The following INA variants were observed in gnomAD, a reference collection of about 807,000 sequenced individuals.
INA encodes internexin neuronal intermediate filament protein alpha.
INA carries 35 observed loss-of-function variants against 40.1 expected under a neutral mutation model. The observed-to-expected ratio is 0.87, with a 90% CI of 0.67 to 1.16. The LOEUF (loss-of-function observed/expected upper bound fraction) is 1.16, where lower values mean the gene tolerates loss of function less well. Among genes scored for constraint, INA ranks in the 50% most tolerant of loss-of-function variants. The pLI, the probability that INA is intolerant of heterozygous loss-of-function variation, is 0.00. For missense variants in INA, 594 were observed against 686.7 expected (o/e 0.87, Z 1.51); for synonymous variants, 290 against 316.9 (o/e 0.92, Z 0.90).
chr10:103,279,502 G>T (rs1287140457), intron 1 of INA, among the ~76,000 whole-genome samples: 4 of 152,188 alleles, frequency 2.6e-5, no homozygotes, highest in African/African-American at 9.6e-5. Context: ...TAAATGGAAG[G>T]TGTAGAAAAG....
rs755648403 is a variant in INA, at chr10:103,289,910, C to A, written c.*1241C>A. 1 of 152,800 alleles carries A rather than the reference C, an allele frequency of 6.5e-6. No homozygotes were observed. Among genetic ancestry groups the A allele is most frequent in the African/African-American group, 2.4e-5 (1 of 41,582 alleles). 9.5% of individuals were successfully genotyped at this position (152,800 alleles called of 1,614,324 possible). On this transcript the variant is annotated 3_prime_UTR_variant, in exon 3 of 3. Coordinates refer to ENST00000369849, the MANE Select transcript of INA (RefSeq NM_032727.4). Reference sequence around the variant, plus strand: ...TTCTAAAAGACTTCCCTAACACTTACCCCATGGCTGCACAGTTGGTGGGGT... The same window carrying A: ...TTCTAAAAGACTTCCCTAACACTTAACCCATGGCTGCACAGTTGGTGGGGT...
intron 1 of INA, chr10:103,280,347 T>C (rs1361449221): frequency 1.0e-6 from 1 of 985,304 alleles, no homozygotes; most frequent in African/African-American, 1.7e-5. Context: ...GCTCAAGTCT[T>C]ACCTGCAGAT....
intron 1 of INA, among the ~76,000 whole-genome samples, chr10:103,279,013 T>C (rs2093067355): frequency 6.6e-6 from 1 of 152,058 alleles, no homozygotes; most frequent in Admixed American, 6.6e-5. Flanking sequence ...GTCGGGGCGC[T>C]GTCCACGGTG....
intron 1 of INA, 25 bp from the exon 2 acceptor site, chr10:103,287,010 C>A: frequency 6.2e-7 from 1 of 1,609,964 alleles, no homozygotes; most frequent in Non-Finnish European, 8.5e-7. Flanking sequence ...TTTGGCCTAA[C>A]TATTTTGGAT....
Position 103,277,198 on chromosome 10 carries a change from C to G in INA, c.-14C>G, listed in dbSNP as rs761309952. The G allele has an allele frequency of 1.3e-6, 2 of 1,569,026 alleles. No homozygotes were observed. Among genetic ancestry groups the G allele is most frequent in the East Asian group, 2.5e-5 (1 of 39,322 alleles). On this transcript the variant is annotated 5_prime_UTR_variant, in exon 1 of 3. Transcript: ENST00000369849. The surrounding 1 kb of genome is among the most constrained non-coding windows in gnomAD (Gnocchi z 5.6). ...TCGCGTTGAAGCCGCACGTCCGGCC[C>G]CGATCCCGGCACCATGAGCTTCGGC...
At chr10:103,286,335 C>CAAAA (rs71019675) in intron 1 of INA, among the ~76,000 whole-genome samples, 17 of 51,660 alleles carry the variant, frequency 3.3e-4, no homozygotes, top group East Asian at 1.3e-3. Context: ...GACCTTGTCT[C>CAAAA]AAAAAAAAAA....
chr10:103,286,156 C>T (rs1241110039), intron 1 of INA, among the ~76,000 whole-genome samples: 2 of 151,778 alleles, frequency 1.3e-5, no homozygotes, highest in African/African-American at 4.8e-5. Flanking sequence ...AATGAGACCT[C>T]ATCTTTACAA....
In INA at chr10:103,287,072, C is replaced by A. The variant is rs372116237; in HGVS notation, c.1103C>A (p.Thr368Asn). 1 of 1,613,812 alleles carries A rather than the reference C, an allele frequency of 6.2e-7. No homozygotes were observed. Among genetic ancestry groups the A allele is most frequent in the Non-Finnish European group, 8.5e-7 (1 of 1,179,926 alleles). ...CAGCTGGAGAATGATCTGAGGAACA[C>A]CAAGAGTGAGATGGCACGCCACCTT... ...IGQLENDLRN[T>N]KSEMARHLRE... The change falls in exon 2 of 3, where the codon ACC becomes AAC. Residue 368 changes from threonine to asparagine, a missense_variant. Coordinates refer to ENST00000369849, the MANE Select transcript of INA (RefSeq NM_032727.4).
At position 103,289,912 on chromosome 10, in the gene INA, C is replaced by A. The variant is rs927568614; in HGVS notation, c.*1243C>A. 6.5e-6 allele frequency: 1 copy of A among 152,678 alleles called. No homozygotes were observed. Among genetic ancestry groups the A allele is most frequent in the African/African-American group, 2.4e-5 (1 of 41,456 alleles). 9.5% of individuals were successfully genotyped at this position (152,678 alleles called of 1,614,324 possible). ...CTAAAAGACTTCCCTAACACTTACC[C>A]CATGGCTGCACAGTTGGTGGGGTCC... On this transcript the variant is annotated 3_prime_UTR_variant, in exon 3 of 3. Coordinates refer to ENST00000369849, the MANE Select transcript of INA (RefSeq NM_032727.4).
intron 2 of INA, among the ~76,000 whole-genome samples, chr10:103,287,752 A>G (rs968525960): frequency 2.7e-5 from 4 of 150,644 alleles, no homozygotes; most frequent in East Asian, 1.9e-4. Context: ...AAAAAAAAAA[A>G]GGATAATTAA....
chr10:103,286,054 A>G (rs2093085237), intron 1 of INA, among the ~76,000 whole-genome samples: 1 of 152,086 alleles, frequency 6.6e-6, no homozygotes, highest in African/African-American at 2.4e-5. Flanking sequence ...CAGGCTGGGC[A>G]TGGTGGCTCA....
At position 103,290,276 on chromosome 10, in the gene INA, G is replaced by C. The variant is rs373328925; in HGVS notation, c.*1607G>C. 6.6e-6 allele frequency: 1 copy of C among 152,198 alleles called. No individual in the cohort carries two copies. The highest frequency in any genetic ancestry group is 1.5e-5 in the Non-Finnish European group (1 of 68,040). The allele number at this position is 152,198 out of a possible 1,614,324, so 9.4% of individuals were successfully genotyped here. ...TTTTCCTTACCTTTACCCCATCCCT[G>C]TCTTTACTCCTCACACTTACTGTAA... On this transcript the variant is annotated 3_prime_UTR_variant, in exon 3 of 3. Transcript: ENST00000369849.
chr10:103,287,595 C>T (rs2093089240), intron 2 of INA, among the ~76,000 whole-genome samples: 2 of 151,602 alleles, frequency 1.3e-5, no homozygotes, highest in East Asian at 1.9e-4. Context: ...ATTGGCCAGG[C>T]GTGGTGGCAC....
In INA at chr10:103,278,903, G is replaced by A. The variant is rs2093066935; in HGVS notation, c.1065+627G>A. 1.5e-5 allele frequency among the ~76,000 whole-genome samples: 2 copies of A among 136,870 alleles called. No homozygotes were observed. Among genetic ancestry groups the A allele is most frequent in the African/African-American group, 5.4e-5 (2 of 36,708 alleles). 89.8% of individuals were successfully genotyped at this position (136,870 alleles called of 152,430 possible). On this transcript the variant is annotated intron_variant, in intron 1 of 2. Transcript: ENST00000369849. This position sits in a 1 kb window ranked among gnomAD's most constrained non-coding sequence, Gnocchi z 4.9. ...ACACACACGATTCCCTTGTCCACCA[G>A]CACACACACACACACACACACACAC...
At chr10:103,285,767 G>A (rs1042127833) in intron 1 of INA, among the ~76,000 whole-genome samples, 5 of 151,934 alleles carry the variant, frequency 3.3e-5, no homozygotes, top group African/African-American at 1.2e-4. Context: ...ACAGGTGCAT[G>A]CCACTGCACC....
chr10:103,278,294 G>A lies in INA; in HGVS notation c.1065+18G>A. On this transcript the variant is annotated intron_variant, in intron 1 of 2. Transcript: ENST00000369849. This position sits in a 1 kb window ranked among gnomAD's most constrained non-coding sequence, Gnocchi z 4.9. ...GCTACCAGGTAAGGGCCGGGGCTGG[G>A]CGTGGGGAGGGGTGCCCTGCCCTCT... The A allele has an allele frequency of 6.6e-7, 1 of 1,515,042 alleles. No individual in the cohort carries two copies. The highest frequency in any genetic ancestry group is 2.3e-4 in the Middle Eastern group (1 of 4,260). The allele number at this position is 1,515,042 out of a possible 1,614,324, so 93.8% of individuals were successfully genotyped here. A position where few individuals can be genotyped will look rare whatever the true frequency, so the allele number is the denominator to read the frequency against.
Position 103,277,308 on chromosome 10 carries a change from G to C in INA, c.97G>C (p.Gly33Arg). 2 of 1,586,456 alleles carry C rather than the reference G, an allele frequency of 1.3e-6. No individual in the cohort carries two copies. The highest frequency in any genetic ancestry group is 1.7e-6 in the Non-Finnish European group (2 of 1,171,300). Residue 33 changes from glycine to arginine, a missense_variant, in exon 1 of 3, where the codon GGC becomes CGC. Coordinates refer to ENST00000369849, the MANE Select transcript of INA (RefSeq NM_032727.4). This position sits in a 1 kb window ranked among gnomAD's most constrained non-coding sequence, Gnocchi z 5.6. ...SRLSARLSGA[G>R]GAGGFRSQSL... ...CCTGTCCGCCCGCCTCTCTGGGGCC[G>C]GCGGCGCGGGCGGCTTCCGCTCGCA...
In INA at chr10:103,278,282, G is replaced by A; in HGVS notation, c.1065+6G>A. ...CCGAGGTAGCTGGCTACCAGGTAAG[G>A]GCCGGGGCTGGGCGTGGGGAGGGGT... is the stretch of plus-strand genomic sequence containing the variant. On this transcript the variant is annotated splice_donor_region_variant and intron_variant, in intron 1 of 2. Coordinates refer to ENST00000369849, the MANE Select transcript of INA (RefSeq NM_032727.4). This position sits in a 1 kb window ranked among gnomAD's most constrained non-coding sequence, Gnocchi z 4.9. 2 of 1,533,696 alleles carry A rather than the reference G, an allele frequency of 1.3e-6. No individual in the cohort carries two copies. Among genetic ancestry groups the A allele is most frequent in the Non-Finnish European group, 8.8e-7 (1 of 1,137,080 alleles).
At chr10:103,279,339 G>A (rs2093067893) in intron 1 of INA, among the ~76,000 whole-genome samples, 2 of 152,160 alleles carry the variant, frequency 1.3e-5, no homozygotes, top group African/African-American at 4.8e-5. Context: ...TTGTTCTAGT[G>A]TATGTATTTT....
Sources: allele counts gnomAD v4.1 joint callset (sites outside exome capture counted in the v4.1 genomes callset), GRCh38; gene constraint gnomAD v4.1.1; non-coding constraint Gnocchi (gnomAD v3.1); transcripts MANE v1.5; gene names NCBI Gene and HGNC (gene_info 2026-07-23, HGNC 2026-07-21).